ARL13B: variants seen among roughly 807,000 people sequenced by gnomAD.
ARL13B encodes ARF like GTPase 13B, also known as ADP-ribosylation factor-like protein 13B.
In ARL13B, 36 loss-of-function variants were observed where a neutral mutation model predicts 56.1. The ratio of observed to expected loss-of-function variants is 0.64; its 90% CI spans 0.49 to 0.85. ARL13B has a LOEUF of 0.85. ARL13B is among the 40% of genes least tolerant of loss of function. The probability of loss-of-function intolerance (pLI) is 0.00; values close to 1 mark genes in which losing one functional copy is unlikely to be tolerated. For missense variants in ARL13B, 519 were observed against 507.1 expected, an observed-to-expected ratio of 1.02 and a Z score of -0.23; for synonymous variants, 178 against 171.1, an observed-to-expected ratio of 1.04 and a Z score of -0.32.
intron 3 of ARL13B, among the ~76,000 whole-genome samples, chr3:94,016,671 G>A (rs1203771806): frequency 1.3e-5 from 2 of 149,756 alleles, no homozygotes; most frequent in Non-Finnish European, 3.0e-5. Flanking sequence ...TTTGGAGATG[G>A]AGTCTTGCTC....
chr3:94,028,128 T>A (rs1485134645), intron 3 of ARL13B, among the ~76,000 whole-genome samples: 3 of 152,188 alleles, frequency 2.0e-5, no homozygotes, highest in Non-Finnish European at 4.4e-5. Flanking sequence ...AAAAATTTTT[T>A]CTTTCCTCTA....
chr3:94,019,500 C>T (rs1402428769), intron 3 of ARL13B, among the ~76,000 whole-genome samples: 2 of 152,028 alleles, frequency 1.3e-5, no homozygotes, highest in African/African-American at 4.8e-5. Flanking sequence ...TGGTCAAGTC[C>T]CTGTTATTTT....
chr3:93,982,532 C>T (rs1468953925), intron 1 of ARL13B, among the ~76,000 whole-genome samples: 2 of 152,138 alleles, frequency 1.3e-5, no homozygotes, highest in East Asian at 1.9e-4. Context: ...ATAACTTTTG[C>T]ATATGCTAGG....
In ARL13B at chr3:94,038,895, C is replaced by T. The variant is rs115447921; in HGVS notation, c.690-985C>T. 4.3e-3 allele frequency among the ~76,000 whole-genome samples: 661 copies of T among 152,204 alleles called. 6 individuals carry two copies. The highest frequency in any genetic ancestry group is 0.014 in the African/African-American group (595 of 41,530). On this transcript the variant is annotated intron_variant, in intron 5 of 9. Coordinates refer to ENST00000394222, the MANE Select transcript of ARL13B (RefSeq NM_001174150.2). The stretch of plus-strand genomic sequence containing the variant: ...ATAAATCACAGAGATAGTAAATGTT[C>T]AGTGGTAACTAATATGGAAATACTT...
At chr3:94,011,664 A>G (rs1420201620) in intron 3 of ARL13B, among the ~76,000 whole-genome samples, 2 of 151,936 alleles carry the variant, frequency 1.3e-5, no homozygotes, top group Non-Finnish European at 2.9e-5. Context: ...CTGCTCTTAC[A>G]TAATAGTATC....
intron 9 of ARL13B, 84 bp downstream of exon 9, chr3:94,050,976 TG>T (rs1560018131): frequency 1.5e-6 from 2 of 1,343,360 alleles, no homozygotes; most frequent in African/African-American, 2.9e-5. Flanking sequence ...AACAAACTTA[TG>T]TTTTAGTTTT....
chr3:93,986,204 T>C (rs552913928), intron 1 of ARL13B, among the ~76,000 whole-genome samples: 114 of 152,262 alleles, frequency 7.5e-4, no homozygotes, highest in African/African-American at 2.7e-3. Context: ...CATTCTTATT[T>C]TACCCCCTTA....
At chr3:94,032,078 T>G (rs1012777768) in intron 3 of ARL13B, among the ~76,000 whole-genome samples, 5 of 152,114 alleles carry the variant, frequency 3.3e-5, no homozygotes, top group Admixed American at 2.0e-4. Flanking sequence ...GGGACTTAAT[T>G]ATTAAGTAAA....
At chr3:94,043,732 A>G (rs1309816963) in intron 7 of ARL13B, among the ~76,000 whole-genome samples, 9 of 116,404 alleles carry the variant, frequency 7.7e-5, no homozygotes, top group African/African-American at 3.1e-4. Context: ...ATCTCGGCTC[A>G]CTGCAACCTC....
intron 3 of ARL13B, chr3:94,014,858 C>A: frequency 6.2e-7 from 1 of 1,614,004 alleles, no homozygotes; most frequent in South Asian, 1.1e-5. Flanking sequence ...AACATTGCAG[C>A]ATGCTGAGAT....
At chr3:94,008,440 C>T (rs2076169073) in intron 3 of ARL13B, among the ~76,000 whole-genome samples, 1 of 152,106 alleles carries the variant, frequency 6.6e-6, no homozygotes, top group African/African-American at 2.4e-5. Context: ...GGTTTTGCAA[C>T]TTTATAAATA....
intron 3 of ARL13B, among the ~76,000 whole-genome samples, chr3:94,012,119 C>G (rs191704199): frequency 6.9e-4 from 105 of 152,062 alleles, no homozygotes; most frequent in Admixed American, 5.6e-3. Flanking sequence ...TTCTTTGAGT[C>G]TAAATTTTGA....
chr3:93,996,170 G>A (rs2075962317), intron 2 of ARL13B, among the ~76,000 whole-genome samples: 1 of 152,150 alleles, frequency 6.6e-6, no homozygotes, highest in Admixed American at 6.5e-5. Flanking sequence ...GAGGCTCCTT[G>A]ATGCCTTTGA....
chr3:94,035,502 GTT>G, intron 4 of ARL13B, 66 bp downstream of exon 4: 1 of 1,179,444 alleles, frequency 8.5e-7, no homozygotes, highest in Non-Finnish European at 1.2e-6. Context: ...GTATAACTTG[GTT>G]TTTATAAAAG....
rs377420487 is a variant in ARL13B, at chr3:94,053,265, C to G, written c.*2C>G. The stretch of plus-strand genomic sequence containing the variant: ...GATGCTCATGATGTGATCTCATAAA[C>G]AAGACGTATGGAGGAGTTCTCTTAA... On this transcript the variant is annotated 3_prime_UTR_variant, in exon 10 of 10. Transcript: ENST00000394222. The G allele has an allele frequency of 1.2e-6, 2 of 1,612,868 alleles. No individual in the cohort carries two copies. Among genetic ancestry groups the G allele is most frequent in the South Asian group, 1.1e-5 (1 of 91,066 alleles).
At chr3:94,012,797 A>C (rs2076247848) in intron 3 of ARL13B, among the ~76,000 whole-genome samples, 1 of 152,132 alleles carries the variant, frequency 6.6e-6, no homozygotes, top group Non-Finnish European at 1.5e-5. Flanking sequence ...CTACTGCATT[A>C]ACTTTCTAAT....
At chr3:94,037,519 A>G (rs1286582603) in intron 5 of ARL13B, among the ~76,000 whole-genome samples, 1 of 152,206 alleles carries the variant, frequency 6.6e-6, no homozygotes, top group Non-Finnish European at 1.5e-5. Context: ...AGTGCTCAAT[A>G]ATATGAGCGT....
rs373940585 is a variant in ARL13B, at chr3:94,035,098, G to A, written c.381-233G>A. Reference sequence around the variant, plus strand: ...TGAAAATACAAAAAATTAGCCTCGCGTGGTGGCACACAACTGTAGTCCCAG... The same window carrying A: ...TGAAAATACAAAAAATTAGCCTCGCATGGTGGCACACAACTGTAGTCCCAG... On this transcript the variant is annotated intron_variant, in intron 3 of 9. Transcript: ENST00000394222. Among the ~76,000 whole-genome samples, 100 of 152,164 alleles carry A rather than the reference G, an allele frequency of 6.6e-4. 1 individual carries two copies. In the South Asian group the frequency reaches 0.02, roughly 30 times the overall value.
intron 3 of ARL13B, 117 bp downstream of exon 3, chr3:94,004,025 G>A (rs1161118545): frequency 3.4e-6 from 5 of 1,456,800 alleles, no homozygotes; most frequent in African/African-American, 1.4e-5. Flanking sequence ...ATACTAAAAT[G>A]TATGTAATTA....
Sources: allele counts gnomAD v4.1 joint callset (sites outside exome capture counted in the v4.1 genomes callset), GRCh38; gene constraint gnomAD v4.1.1; transcripts MANE v1.5; gene names NCBI Gene and HGNC (gene_info 2026-07-23, HGNC 2026-07-21).